The following WDPCP variants were observed in gnomAD, a reference collection of about 807,000 sequenced individuals.
WDPCP encodes WD repeat containing planar cell polarity effector, also known as WD repeat-containing and planar cell polarity effector protein fritz homolog.
A neutral mutation model predicts 93.1 loss-of-function variants in WDPCP; 71 were observed. The ratio of observed to expected loss-of-function variants is 0.76; its 90% CI spans 0.63 to 0.93. The LOEUF (loss-of-function observed/expected upper bound fraction) is 0.93, where lower values mean the gene tolerates loss of function less well. Among genes scored for constraint, WDPCP ranks in the 40% least tolerant of loss-of-function variants. WDPCP has a pLI of 0.00. For missense variants in WDPCP, 844 were observed against 887.4 expected, an observed-to-expected ratio of 0.95 and a Z score of 0.62; for synonymous variants, 315 against 315.0, an observed-to-expected ratio of 1.00 and a Z score of 0.00.
chr2:63,504,824 T>G (rs1314756601), intron 1 of WDPCP, among the ~76,000 whole-genome samples: 1 of 152,074 alleles, frequency 6.6e-6, no homozygotes, highest in East Asian at 1.9e-4. Context: ...ATCAATAGTT[T>G]ATAAGTAAAT....
intron 2 of WDPCP, among the ~76,000 whole-genome samples, chr2:63,811,106 G>A (rs1290167291): frequency 6.6e-6 from 1 of 152,190 alleles, no homozygotes; most frequent in East Asian, 1.9e-4. Flanking sequence ...TTCAAGATCA[G>A]TCCCAGAGAT....
intron 1 of WDPCP, among the ~76,000 whole-genome samples, chr2:63,529,488 T>G (rs981147838): frequency 6.6e-6 from 1 of 152,212 alleles, no homozygotes; most frequent in Non-Finnish European, 1.5e-5. Context: ...GGTTTTTGTC[T>G]TTGGTTCTGT....
the WDPCP span, among the ~76,000 whole-genome samples, chr2:63,835,458 T>C: frequency 5.7e-4 from 87 of 151,432 alleles, no homozygotes; most frequent in East Asian, 0.014. Context: ...AAGAGATTAC[T>C]TGTCCCGGAT....
intron 2 of WDPCP, among the ~76,000 whole-genome samples, chr2:63,663,228 G>A (rs1326337594): frequency 6.6e-6 from 1 of 152,162 alleles, no homozygotes; most frequent in Middle Eastern, 3.2e-3. Context: ...CCTGCCCCTT[G>A]CCCTCTGCTA....
At chr2:63,329,754 C>A (rs373516036) in intron 12 of WDPCP, among the ~76,000 whole-genome samples, 2 of 152,132 alleles carry the variant, frequency 1.3e-5, no homozygotes, top group Admixed American at 6.6e-5. Context: ...CAGAATGCCT[C>A]ATTTCCCTAA....
intron 14 of WDPCP, among the ~76,000 whole-genome samples, chr2:63,238,248 C>T (rs1358006323): frequency 1.3e-5 from 2 of 152,034 alleles, no homozygotes; most frequent in African/African-American, 4.8e-5. Flanking sequence ...TATAAGCTAG[C>T]ACAGAAAAAG....
chr2:63,188,978 A>G (rs1028453669), intron 14 of WDPCP, among the ~76,000 whole-genome samples: 2 of 152,142 alleles, frequency 1.3e-5, no homozygotes, highest in African/African-American at 4.8e-5. Context: ...TAGAGGTTCT[A>G]AGACCTCTCA....
At chr2:63,717,092 C>A in intron 2 of WDPCP, 1 of 286,310 alleles carries the variant, frequency 3.5e-6, no homozygotes, top group Non-Finnish European at 6.7e-6. Flanking sequence ...TTCCCTCCTT[C>A]TGTCTCCACT....
chr2:63,693,359 A>G (rs187249195), intron 2 of WDPCP, among the ~76,000 whole-genome samples: 2 of 152,304 alleles, frequency 1.3e-5, no homozygotes, highest in African/African-American at 4.8e-5. Flanking sequence ...ATAAAATACC[A>G]TATTAGTGGT....
At chr2:63,711,112 T>C (rs2103751652) in intron 2 of WDPCP, among the ~76,000 whole-genome samples, 1 of 152,300 alleles carries the variant, frequency 6.6e-6, no homozygotes, top group African/African-American at 2.4e-5. Context: ...CAGGAATCAT[T>C]ATCAGGATGT....
rs148238121 is a variant in WDPCP at position 63,511,593 on chromosome 2, A to C, written c.76-18653T>G. On this transcript the variant is annotated intron_variant, in intron 1 of 17. Coordinates refer to ENST00000272321, the MANE Select transcript of WDPCP (RefSeq NM_015910.7). ...GAACAGAGGCCTCAGAAATAATACTACACATCTACAACCATCTGGTCTTTG... is the reference window on the plus strand; with the variant it reads ...GAACAGAGGCCTCAGAAATAATACTCCACATCTACAACCATCTGGTCTTTG... Among the ~76,000 whole-genome samples, 496 of 152,240 alleles carry C rather than the reference A, an allele frequency of 3.3e-3. 2 individuals are homozygous for C. Among genetic ancestry groups the C allele is most frequent in the South Asian group, 5.4e-3 (26 of 4,822 alleles).
intron 2 of WDPCP, among the ~76,000 whole-genome samples, chr2:63,751,533 T>A (rs1457499901): frequency 6.6e-6 from 1 of 152,160 alleles, no homozygotes; most frequent in South Asian, 2.1e-4. Flanking sequence ...TTTTTGCCCA[T>A]ACACATGAGT....
intron 14 of WDPCP, among the ~76,000 whole-genome samples, chr2:63,188,918 C>A (rs1047556489): frequency 6.6e-6 from 1 of 152,166 alleles, no homozygotes; most frequent in South Asian, 2.1e-4. Context: ...CTTTCTCAAT[C>A]TTTATGAACT....
chr2:63,527,222 CT>C (rs71393312), intron 1 of WDPCP, among the ~76,000 whole-genome samples: 1,450 of 138,384 alleles, frequency 0.01, 2 homozygotes, highest in African/African-American at 0.014. Flanking sequence ...GGCAGGCATG[CT>C]TTTTTTTTTT....
At chr2:63,597,075 T>C (rs1709328274) in intron 3 of WDPCP, among the ~76,000 whole-genome samples, 1 of 152,230 alleles carries the variant, frequency 6.6e-6, no homozygotes, top group Admixed American at 6.5e-5. Context: ...TTGTGTTGTG[T>C]GGTAATTAGT....
chr2:63,542,839 A>T (rs1704846891), intron 1 of WDPCP, among the ~76,000 whole-genome samples: 1 of 152,212 alleles, frequency 6.6e-6, no homozygotes, highest in African/African-American at 2.4e-5. Context: ...TTTCACAAAC[A>T]GAAGGAAAAC....
At chr2:63,752,273 C>T (rs1669895507) in intron 2 of WDPCP, 2 of 815,296 alleles carry the variant, frequency 2.5e-6, no homozygotes, top group Admixed American at 3.4e-5. Context: ...AAAATAATCT[C>T]TCAGGTGATG....
chr2:63,588,991 ACT>A (rs2106589012), upstream of WDPCP: 5 of 1,613,844 alleles, frequency 3.1e-6, no homozygotes, highest in African/African-American at 2.7e-5. Flanking sequence ...AGGTGACCTG[ACT>A]CTCTGAGGCT....
intron 2 of WDPCP, among the ~76,000 whole-genome samples, chr2:63,792,378 A>G (rs1670557462): frequency 6.6e-6 from 1 of 152,172 alleles, no homozygotes; most frequent in Non-Finnish European, 1.5e-5. Flanking sequence ...TATCATGAGA[A>G]CAGCATGGGG....
Sources: allele counts gnomAD v4.1 joint callset (sites outside exome capture counted in the v4.1 genomes callset), GRCh38; gene constraint gnomAD v4.1.1; transcripts MANE v1.5; gene names NCBI Gene and HGNC (gene_info 2026-07-23, HGNC 2026-07-21).